The following BOLL variants were observed in gnomAD, a reference collection of about 807,000 sequenced individuals.
BOLL encodes the protein protein boule-like.
BOLL carries 23 observed loss-of-function variants against 44.4 expected under a neutral mutation model. The ratio of observed to expected loss-of-function variants is 0.52; its 90% CI spans 0.37 to 0.73. The LOEUF is 0.73. BOLL is among the 30% of genes least tolerant of loss of function. The pLI is 0.00. For synonymous variants in BOLL, 97 were observed against 110.8 expected, an observed-to-expected ratio of 0.88 and a Z score of 0.78; for missense variants, 287 against 338.3, an observed-to-expected ratio of 0.85 and a Z score of 1.19.
intron 10 of BOLL, among the ~76,000 whole-genome samples, chr2:197,734,354 C>G (rs1455473610): frequency 2.0e-5 from 3 of 152,116 alleles, no homozygotes; most frequent in Non-Finnish European, 4.4e-5. Context: ...AACACTTTTA[C>G]ACTGTTGGTG....
intron 9 of BOLL, among the ~76,000 whole-genome samples, chr2:197,755,262 G>A (rs1688460149): frequency 6.6e-6 from 1 of 152,194 alleles, no homozygotes; most frequent in Non-Finnish European, 1.5e-5. Context: ...GTGAGGCTGT[G>A]GAGAAACAGG....
intron 9 of BOLL, among the ~76,000 whole-genome samples, chr2:197,748,255 C>G (rs1022850759): frequency 6.6e-6 from 1 of 152,214 alleles, no homozygotes; most frequent in African/African-American, 2.4e-5. Flanking sequence ...GAGATCCCCT[C>G]GGGTGCCTAC....
chr2:197,744,176 C>T (rs1444883205), intron 9 of BOLL, among the ~76,000 whole-genome samples: 4 of 152,186 alleles, frequency 2.6e-5, no homozygotes, highest in East Asian at 1.9e-4. Flanking sequence ...CATCTCAATT[C>T]GGTCTTACTG....
intron 6 of BOLL, among the ~76,000 whole-genome samples, chr2:197,767,636 C>T (rs1336898984): frequency 6.6e-6 from 1 of 151,900 alleles, no homozygotes; most frequent in East Asian, 1.9e-4. Context: ...CTATAGGGAA[C>T]ATCTGGCAAT....
At chr2:197,773,310 A>C (rs1689348988) in intron 5 of BOLL, among the ~76,000 whole-genome samples, 1 of 151,886 alleles carries the variant, frequency 6.6e-6, no homozygotes, top group Non-Finnish European at 1.5e-5. Flanking sequence ...TTACCTGCTA[A>C]ATAAATAAAT....
intron 10 of BOLL, among the ~76,000 whole-genome samples, chr2:197,733,428 C>G (rs1687306640): frequency 1.3e-5 from 2 of 150,836 alleles, no homozygotes; most frequent in South Asian, 2.1e-4. Context: ...ATCAAGCTAC[C>G]AATGACTTTC....
At chr2:197,758,728 G>T (rs188228330) in intron 7 of BOLL, among the ~76,000 whole-genome samples, 146 of 152,206 alleles carry the variant, frequency 9.6e-4, no homozygotes, top group Non-Finnish European at 1.7e-3. Context: ...AATTAATGAA[G>T]AGTGCTGGTT....
intron 7 of BOLL, chr2:197,759,079 G>T: frequency 8.8e-7 from 1 of 1,139,428 alleles, no homozygotes; most frequent in Non-Finnish European, 1.2e-6. Flanking sequence ...TTTTCCACTG[G>T]CTCCCCACCC....
In BOLL at chr2:197,766,608, A is replaced by G. The variant is rs764911125; in HGVS notation, c.481-5T>C. 61 of 1,607,520 alleles carry G rather than the reference A, an allele frequency of 3.8e-5. 1 individual carries two copies. The South Asian group carries it at 6.7e-4, about 18-fold the overall frequency. On this transcript the variant is annotated splice_region_variant and splice_polypyrimidine_tract_variant and intron_variant, in intron 6 of 10. Transcript: ENST00000392296. The stretch of plus-strand genomic sequence containing the variant: ...GGAGCTACATACAGAACGTGACTAT[A>G]AAAGGATGGAAAAAGAAAAATTAGG...
At chr2:197,782,988 G>C (rs1689861887) in intron 1 of BOLL, among the ~76,000 whole-genome samples, 1 of 151,772 alleles carries the variant, frequency 6.6e-6, no homozygotes. Context: ...TAAGATAATA[G>C]ACTTTTAAGG....
At chr2:197,747,901 C>A (rs891289806) in intron 9 of BOLL, among the ~76,000 whole-genome samples, 3 of 152,132 alleles carry the variant, frequency 2.0e-5, no homozygotes, top group African/African-American at 7.2e-5. Context: ...CTGACAAAAA[C>A]AAGCAATGGG....
intron 9 of BOLL, among the ~76,000 whole-genome samples, chr2:197,750,313 A>G (rs906460173): frequency 1.3e-5 from 2 of 152,226 alleles, no homozygotes; most frequent in Non-Finnish European, 2.9e-5. Flanking sequence ...CTTAAAAGGT[A>G]AATGGGCTAA....
At chr2:197,753,062 C>T (rs554938477) in intron 9 of BOLL, among the ~76,000 whole-genome samples, 2 of 152,306 alleles carry the variant, frequency 1.3e-5, no homozygotes, top group South Asian at 4.1e-4. Context: ...GAAAGGATTC[C>T]CTATTTAATA....
intron 10 of BOLL, among the ~76,000 whole-genome samples, chr2:197,735,133 T>A (rs1687424445): frequency 6.6e-6 from 1 of 152,072 alleles, no homozygotes; most frequent in African/African-American, 2.4e-5. Flanking sequence ...AAAAAATGGA[T>A]AAGATCAAGG....
At chr2:197,776,825 C>T (rs891909277) in intron 4 of BOLL, among the ~76,000 whole-genome samples, 30 of 151,820 alleles carry the variant, frequency 2.0e-4, no homozygotes, top group Middle Eastern at 3.4e-3. Flanking sequence ...AGATATATCC[C>T]CAAGTTCTTA....
intron 6 of BOLL, among the ~76,000 whole-genome samples, chr2:197,767,044 A>G (rs2106368140): frequency 6.6e-6 from 1 of 152,138 alleles, no homozygotes; most frequent in South Asian, 2.1e-4. Flanking sequence ...ACAAATAATC[A>G]ATGTTCTATT....
At chr2:197,759,504 C>A (rs552542086) in intron 7 of BOLL, among the ~76,000 whole-genome samples, 1 of 152,272 alleles carries the variant, frequency 6.6e-6, no homozygotes, top group East Asian at 1.9e-4. Flanking sequence ...GTGACAGCAT[C>A]TTGAAGCCAT....
intron 9 of BOLL, among the ~76,000 whole-genome samples, chr2:197,746,667 C>T (rs898915904): frequency 2.1e-4 from 32 of 151,874 alleles, no homozygotes; most frequent in Admixed American, 1.7e-3. Context: ...TTTTGGAGGC[C>T]GAGGCAGGCG....
chr2:197,745,844 C>A (rs1687964868), intron 9 of BOLL, among the ~76,000 whole-genome samples: 1 of 152,098 alleles, frequency 6.6e-6, no homozygotes, highest in Non-Finnish European at 1.5e-5. Context: ...CTCAAAGATA[C>A]TTTAGAGTCT....
Sources: gnomAD v4.1 joint callset for allele counts (sites outside exome capture counted in the v4.1 genomes callset) on GRCh38, gnomAD v4.1.1 for gene constraint, MANE v1.5 for transcripts, NCBI Gene and HGNC (gene_info 2026-07-23, HGNC 2026-07-21) for gene names.